Variants in UBTD2 observed in about 807,000 individuals in gnomAD.
UBTD2 encodes ubiquitin domain-containing protein 2.
Under a neutral mutation model 19.8 loss-of-function variants are expected in UBTD2, and 9 were observed. That is an observed-to-expected ratio of 0.46 (90% CI 0.27 to 0.79). UBTD2 has a LOEUF of 0.79. Ranked by LOEUF, UBTD2 falls within the 30% of genes least tolerant of loss-of-function variation. The pLI, the probability that UBTD2 is intolerant of heterozygous loss-of-function variation, is 0.14. For synonymous variants in UBTD2, 98 were observed against 103.9 expected (o/e 0.94, Z 0.35); for missense variants, 250 against 300.4 (o/e 0.83, Z 1.24).
intron 1 of UBTD2, among the ~76,000 whole-genome samples, chr5:172,251,622 C>T (rs1391342635): frequency 9.3e-6 from 1 of 107,468 alleles, no homozygotes; most frequent in Admixed American, 9.9e-5. Flanking sequence ...GTTCAAAGTG[C>T]AATGAAAAAA....
intron 2 of UBTD2, among the ~76,000 whole-genome samples, chr5:172,217,166 CT>C (rs1771560339): frequency 6.6e-6 from 1 of 151,908 alleles, no homozygotes; most frequent in Non-Finnish European, 1.5e-5. Flanking sequence ...AATCCCAGCA[CT>C]TTGGGAGGCC....
intron 2 of UBTD2, among the ~76,000 whole-genome samples, chr5:172,216,108 A>G (rs923460126): frequency 6.6e-6 from 1 of 152,024 alleles, no homozygotes; most frequent in Non-Finnish European, 1.5e-5. Flanking sequence ...CAGAGGTCGC[A>G]GTGAGCTGAG....
rs1046146800 is a variant in UBTD2, at chr5:172,253,694, C to T, written c.71-19336G>A. On this transcript the variant is annotated intron_variant, in intron 1 of 2. Transcript: ENST00000393792. ...GTCTCGATTTCTTGACTTCATGATC[C>T]TCCTGCCCTGGCCTCCCAAACTGCG... 2.0e-5 allele frequency among the ~76,000 whole-genome samples: 3 copies of T among 152,178 alleles called. No homozygotes were observed. The East Asian group carries it at 5.8e-4, about 29-fold the overall frequency.
chr5:172,237,394 C>G (rs747425052), intron 1 of UBTD2, among the ~76,000 whole-genome samples: 1 of 152,136 alleles, frequency 6.6e-6, no homozygotes, highest in Non-Finnish European at 1.5e-5. Context: ...GACAGGCCCC[C>G]AATGCATTTT....
intron 1 of UBTD2, chr5:172,254,801 A>G: frequency 1.8e-6 from 1 of 549,526 alleles, no homozygotes; most frequent in Middle Eastern, 2.9e-4. Flanking sequence ...CTGTGGTTCA[A>G]TCCCAGGTTC....
At chr5:172,254,830 T>A in intron 1 of UBTD2, 4 of 551,624 alleles carry the variant, frequency 7.3e-6, no homozygotes, top group Non-Finnish European at 1.3e-5. Flanking sequence ...TTTTTTTCTC[T>A]GGTACAGGAT....
intron 2 of UBTD2, among the ~76,000 whole-genome samples, chr5:172,228,646 A>T (rs1441719635): frequency 6.6e-6 from 1 of 152,004 alleles, no homozygotes; most frequent in Non-Finnish European, 1.5e-5. Flanking sequence ...GCTTGAACCC[A>T]GGAGGTGGAG....
At chr5:172,216,385 G>A (rs570815872) in intron 2 of UBTD2, among the ~76,000 whole-genome samples, 20 of 151,394 alleles carry the variant, frequency 1.3e-4, no homozygotes, top group Non-Finnish European at 2.5e-4. Flanking sequence ...CAGAGTTAAT[G>A]TCAGAAAAAC....
At chr5:172,269,401 G>A (rs925671319) in intron 1 of UBTD2, among the ~76,000 whole-genome samples, 1 of 149,402 alleles carries the variant, frequency 6.7e-6, no homozygotes, top group South Asian at 2.1e-4. Flanking sequence ...CGAGGCAGGA[G>A]AATCACTTGA....
At chr5:172,237,683 G>T (rs1772039589) in intron 1 of UBTD2, among the ~76,000 whole-genome samples, 1 of 152,146 alleles carries the variant, frequency 6.6e-6, no homozygotes, top group African/African-American at 2.4e-5. Flanking sequence ...TTAGCATTTA[G>T]CAAAAGCATT....
intron 1 of UBTD2, 121 bp from the exon 2 acceptor site, chr5:172,234,479 T>C (rs1381441093): frequency 2.4e-6 from 2 of 849,744 alleles, no homozygotes; most frequent in East Asian, 2.6e-5. Context: ...ATTTACCTGC[T>C]AGCTAATTTG....
chr5:172,215,621 C>G (rs1771526243), intron 2 of UBTD2, among the ~76,000 whole-genome samples: 1 of 152,124 alleles, frequency 6.6e-6, no homozygotes, highest in Admixed American at 6.5e-5. Flanking sequence ...TCAGATACGG[C>G]AGAAGTGTTA....
intron 1 of UBTD2, among the ~76,000 whole-genome samples, chr5:172,250,520 C>T (rs1461356504): frequency 6.6e-6 from 1 of 152,030 alleles, no homozygotes; most frequent in Non-Finnish European, 1.5e-5. Context: ...AAAATGCCAA[C>T]ATCATGAGAA....
chr5:172,240,594 C>A (rs545328012), intron 1 of UBTD2, among the ~76,000 whole-genome samples: 28 of 152,260 alleles, frequency 1.8e-4, no homozygotes, highest in African/African-American at 6.5e-4. Context: ...CATTTTGTAA[C>A]ACCTACCGCA....
intron 1 of UBTD2, among the ~76,000 whole-genome samples, chr5:172,267,996 G>C (rs757667746): frequency 6.6e-6 from 1 of 152,124 alleles, no homozygotes; most frequent in East Asian, 1.9e-4. Context: ...ACTAAGAAAG[G>C]CTTCTATTAA....
chr5:172,268,934 A>T (rs559920141), intron 1 of UBTD2, among the ~76,000 whole-genome samples: 2 of 152,338 alleles, frequency 1.3e-5, no homozygotes, highest in East Asian at 3.9e-4. Context: ...ACATGAAGAT[A>T]TAATAATCTT....
intron 1 of UBTD2, among the ~76,000 whole-genome samples, chr5:172,249,812 G>A (rs1376235919): frequency 1.3e-5 from 2 of 152,148 alleles, no homozygotes; most frequent in East Asian, 1.9e-4. Context: ...AATTAAGGGG[G>A]AACCCACGTG....
intron 1 of UBTD2, among the ~76,000 whole-genome samples, chr5:172,253,258 GCTTA>G (rs1440073544): frequency 6.6e-6 from 1 of 151,986 alleles, no homozygotes; most frequent in Non-Finnish European, 1.5e-5. Context: ...TTTATTTTTA[GCTTA>G]CTTAAGTGCA....
intron 1 of UBTD2, among the ~76,000 whole-genome samples, chr5:172,276,379 C>T (rs1027783917): frequency 6.6e-6 from 1 of 152,226 alleles, no homozygotes; most frequent in African/African-American, 2.4e-5. Flanking sequence ...ATCATTTTCT[C>T]TCACACACAC....
Sources: allele counts gnomAD v4.1 joint callset (sites outside exome capture counted in the v4.1 genomes callset), GRCh38; gene constraint gnomAD v4.1.1; transcripts MANE v1.5; gene names NCBI Gene and HGNC (gene_info 2026-07-23, HGNC 2026-07-21).